Variants in SATB2 observed in about 807,000 individuals in gnomAD.
The protein encoded by SATB2 is DNA-binding protein SATB2.
Under a neutral mutation model 73.4 loss-of-function variants are expected in SATB2, and 1 was observed. That is an observed-to-expected ratio of 0.01 (90% CI 0.00 to 0.06). SATB2 has a LOEUF of 0.06. SATB2 is among the 10% of genes least tolerant of loss of function. The probability of loss-of-function intolerance (pLI) is 1.00; values close to 1 mark genes in which losing one functional copy is unlikely to be tolerated. For missense variants in SATB2, 459 were observed against 945.8 expected (o/e 0.49, Z 6.75); for synonymous variants, 397 against 367.0 (o/e 1.08, Z -0.93).
At chr2:199,407,192 A>C (rs1690656501) in intron 3 of SATB2, among the ~76,000 whole-genome samples, 1 of 147,842 alleles carries the variant, frequency 6.8e-6, no homozygotes, top group Admixed American at 6.8e-5. Flanking sequence ...AGGCTGAGGT[A>C]GGAGAATCAC....
Position 199,432,617 on chromosome 2 carries a change from T to G in SATB2, c.346+721A>C, listed in dbSNP as rs572956716. ...CAGCTGAAAAACAAGAACAATAAAT[T>G]CCATCAGATCAATTTTTTTTTTTCA... On this transcript the variant is annotated intron_variant, in intron 3 of 10. Coordinates refer to ENST00000417098, the MANE Select transcript of SATB2 (RefSeq NM_001172509.2). Among the ~76,000 whole-genome samples, 23 of 151,990 alleles carry G rather than the reference T, an allele frequency of 1.5e-4. 1 individual carries two copies. The highest frequency in any genetic ancestry group is 4.6e-4 in the Admixed American group (7 of 15,268).
chr2:199,468,286 C>T (rs1692631474), upstream of SATB2: 1 of 151,450 alleles, frequency 6.6e-6, no homozygotes, highest in Non-Finnish European at 1.5e-5. Context: ...GTGGGTGGGT[C>T]CAGTATTTCG....
At chr2:199,365,202 T>G (rs1484912094) in intron 6 of SATB2, among the ~76,000 whole-genome samples, 5 of 152,106 alleles carry the variant, frequency 3.3e-5, no homozygotes, top group African/African-American at 1.2e-4. Context: ...TCTTTGCTTT[T>G]AGATAAAATG....
At chr2:199,430,520 A>G (rs1033472225) in intron 3 of SATB2, among the ~76,000 whole-genome samples, 3 of 152,232 alleles carry the variant, frequency 2.0e-5, no homozygotes, top group Non-Finnish European at 4.4e-5. Flanking sequence ...GTTATGGGTC[A>G]GCTAGAAACA....
intron 7 of SATB2, among the ~76,000 whole-genome samples, chr2:199,336,445 CA>C (rs1688340981): frequency 6.6e-6 from 1 of 152,020 alleles, no homozygotes; most frequent in Non-Finnish European, 1.5e-5. Context: ...GCTACTTTGT[CA>C]AAACATTGGC....
At chr2:199,365,115 G>A (rs1301045819) in intron 6 of SATB2, among the ~76,000 whole-genome samples, 2 of 152,004 alleles carry the variant, frequency 1.3e-5, no homozygotes, top group African/African-American at 2.4e-5. Flanking sequence ...TAGCATGAAT[G>A]TTTCTAGGTG....
chr2:199,283,872 T>C (rs1232853451), intron 10 of SATB2, among the ~76,000 whole-genome samples: 2 of 152,200 alleles, frequency 1.3e-5, no homozygotes, highest in Non-Finnish European at 2.9e-5. Context: ...TTCTGTAGCA[T>C]ACTGAGGGAA....
At chr2:199,425,756 AATATT>A (rs1691307586) in intron 3 of SATB2, among the ~76,000 whole-genome samples, 1 of 152,202 alleles carries the variant, frequency 6.6e-6, no homozygotes, top group Non-Finnish European at 1.5e-5. Flanking sequence ...CAGAACTATA[AATATT>A]ATATTAGATA....
intron 3 of SATB2, among the ~76,000 whole-genome samples, chr2:199,410,632 G>T (rs560699599): frequency 6.6e-6 from 1 of 152,114 alleles, no homozygotes. Context: ...CCCTCCCAGC[G>T]CACGCTACTA....
At chr2:199,417,849 C>A (rs1254458980) in intron 3 of SATB2, among the ~76,000 whole-genome samples, 1 of 152,138 alleles carries the variant, frequency 6.6e-6, no homozygotes, top group Non-Finnish European at 1.5e-5. Flanking sequence ...AAATAACATT[C>A]TTCTAAGTTG....
chr2:199,375,856 T>C (rs994765885), intron 5 of SATB2, among the ~76,000 whole-genome samples: 13 of 152,198 alleles, frequency 8.5e-5, no homozygotes, highest in Non-Finnish European at 1.5e-4. Context: ...CATCGCAAAG[T>C]GCCTGATTCT....
chr2:199,469,908 G>C (rs1692671738), upstream of SATB2: 1 of 152,414 alleles, frequency 6.6e-6, no homozygotes, highest in African/African-American at 2.4e-5. Flanking sequence ...TGTATTGAGG[G>C]AAGGGGAGAT....
chr2:199,386,686 A>C (rs1689945390), intron 3 of SATB2, among the ~76,000 whole-genome samples: 1 of 88,066 alleles, frequency 1.1e-5, no homozygotes. Flanking sequence ...TATTTCATAC[A>C]CGTGCGCAAG....
intron 2 of SATB2, among the ~76,000 whole-genome samples, chr2:199,454,982 G>A (rs899765331): frequency 6.6e-6 from 1 of 152,170 alleles, no homozygotes; most frequent in Non-Finnish European, 1.5e-5. Context: ...AGTGATTTAT[G>A]CCAAACACAC....
chr2:199,392,182 G>A (rs16831423), intron 3 of SATB2, among the ~76,000 whole-genome samples: 1,699 of 152,198 alleles, frequency 0.011, 37 homozygotes, highest in African/African-American at 0.038. Context: ...AAAAAGCAAG[G>A]ACTGGGAGCA....
intron 2 of SATB2, among the ~76,000 whole-genome samples, chr2:199,454,007 C>A (rs1040145463): frequency 1.3e-5 from 2 of 152,020 alleles, no homozygotes; most frequent in Admixed American, 6.6e-5. Flanking sequence ...TGAAACAAAT[C>A]TATTATTCTT....
chr2:199,386,755 CA>C (rs1559022100), intron 3 of SATB2, among the ~76,000 whole-genome samples: 46 of 124,342 alleles, frequency 3.7e-4, no homozygotes, highest in African/African-American at 8.9e-4. Context: ...CACACACACA[CA>C]CACACACACA....
At chr2:199,406,652 G>A (rs1008120123) in intron 3 of SATB2, among the ~76,000 whole-genome samples, 1 of 152,128 alleles carries the variant, frequency 6.6e-6, no homozygotes, top group Non-Finnish European at 1.5e-5. Flanking sequence ...ATAGACTTTT[G>A]AGAGACATGA....
chr2:199,276,350 G>A (rs891206918), intron 10 of SATB2, among the ~76,000 whole-genome samples: 5 of 152,038 alleles, frequency 3.3e-5, no homozygotes, highest in Non-Finnish European at 5.9e-5. Context: ...CTGATATTTC[G>A]ATTTGGTGTT....
Sources: gnomAD v4.1 joint callset for allele counts (sites outside exome capture counted in the v4.1 genomes callset) on GRCh38, gnomAD v4.1.1 for gene constraint, MANE v1.5 for transcripts, NCBI Gene and HGNC (gene_info 2026-07-23, HGNC 2026-07-21) for gene names.